Variants in THRB observed in about 807,000 individuals in gnomAD.
THRB encodes nuclear receptor subfamily 1 group A member 2.
THRB carries 12 observed loss-of-function variants against 47.8 expected under a neutral mutation model. That is an observed-to-expected ratio of 0.25 (90% CI 0.16 to 0.41). The LOEUF is 0.41. Ranked by LOEUF, THRB falls within the 10% of genes least tolerant of loss-of-function variation. THRB has a pLI of 1.00. For missense variants in THRB, 348 were observed against 589.2 expected (o/e 0.59, Z 4.24); for synonymous variants, 218 against 212.2 (o/e 1.03, Z -0.24).
intron 1 of THRB, among the ~76,000 whole-genome samples, chr3:24,402,494 T>C (rs1366800099): frequency 1.3e-5 from 1 of 79,952 alleles, no homozygotes; most frequent in African/African-American, 4.8e-5. Flanking sequence ...AACCCTTCTT[T>C]CTTCCTTTTT....
At chr3:24,387,305 A>G (rs960600760) in intron 1 of THRB, among the ~76,000 whole-genome samples, 1 of 152,144 alleles carries the variant, frequency 6.6e-6, no homozygotes, top group Non-Finnish European at 1.5e-5. Flanking sequence ...TGGACAGTAG[A>G]TTAAAGTCCT....
intron 1 of THRB, among the ~76,000 whole-genome samples, chr3:24,451,716 T>G (rs1407244882): frequency 6.6e-6 from 1 of 152,232 alleles, no homozygotes; most frequent in Non-Finnish European, 1.5e-5. Context: ...CAGTCCATGT[T>G]GCAAGCACAA....
chr3:24,486,923 T>C (rs1043400147), intron 1 of THRB, among the ~76,000 whole-genome samples: 1 of 152,180 alleles, frequency 6.6e-6, no homozygotes, highest in African/African-American at 2.4e-5. Flanking sequence ...ATAGCAGAAA[T>C]TGCAGTGAAG....
rs2031663804 is a variant in THRB at position 24,121,429 on chromosome 3, G to C, written c.*1455C>G. On this transcript the variant is annotated 3_prime_UTR_variant, in exon 11 of 11. Coordinates refer to ENST00000646209, the MANE Select transcript of THRB (RefSeq NM_001354712.2). ...GATAAGGCAGTAAAAGGTAGGCAAA[G>C]GAATAGTTTATATCTACTATGCCAG... 6.6e-6 allele frequency: 1 copy of C among 152,636 alleles called. No homozygotes were observed. Among genetic ancestry groups the C allele is most frequent in the African/African-American group, 2.4e-5 (1 of 41,442 alleles). The allele number at this position is 152,636 out of a possible 1,614,324, so 9.5% of individuals were successfully genotyped here.
intron 10 of THRB, among the ~76,000 whole-genome samples, chr3:24,125,564 A>G (rs1294450867): frequency 6.6e-6 from 1 of 152,226 alleles, no homozygotes; most frequent in East Asian, 1.9e-4. Flanking sequence ...GGGGTCACCC[A>G]AAGTCACACA....
chr3:24,344,628 G>A, intron 1 of THRB, among the ~76,000 whole-genome samples: 1 of 151,904 alleles, frequency 6.6e-6, no homozygotes, highest in East Asian at 1.9e-4. Flanking sequence ...ATTTGACCAT[G>A]ATCCACAATA....
intron 1 of THRB, among the ~76,000 whole-genome samples, chr3:24,339,218 G>T (rs1043539628): frequency 1.3e-5 from 2 of 152,024 alleles, no homozygotes; most frequent in African/African-American, 4.8e-5. Context: ...CAATATATCT[G>T]AACTTGACTC....
chr3:24,482,089 A>T (rs892948294), intron 1 of THRB, among the ~76,000 whole-genome samples: 1 of 152,220 alleles, frequency 6.6e-6, no homozygotes, highest in Non-Finnish European at 1.5e-5. Flanking sequence ...TGATCGAGTA[A>T]ATTTGGAGTC....
At chr3:24,303,792 C>T (rs1400190541) in intron 2 of THRB, among the ~76,000 whole-genome samples, 2 of 152,186 alleles carry the variant, frequency 1.3e-5, no homozygotes, top group African/African-American at 4.8e-5. Context: ...GATACACCGA[C>T]TAAGTTTTTT....
chr3:24,195,064 G>A (rs1176089086), intron 4 of THRB, among the ~76,000 whole-genome samples: 2 of 152,178 alleles, frequency 1.3e-5, no homozygotes, highest in Non-Finnish European at 2.9e-5. Flanking sequence ...TGTAGCATCA[G>A]ACTATTAGGT....
intron 2 of THRB, among the ~76,000 whole-genome samples, chr3:24,298,478 G>A (rs1297278458): frequency 6.6e-6 from 1 of 152,178 alleles, no homozygotes; most frequent in Non-Finnish European, 1.5e-5. Context: ...GTATTTTGAG[G>A]ACAAATGGCC....
At chr3:24,382,190 G>A (rs1306715700) in intron 1 of THRB, among the ~76,000 whole-genome samples, 1 of 151,934 alleles carries the variant, frequency 6.6e-6, no homozygotes, top group African/African-American at 2.4e-5. Flanking sequence ...TGGACCTTCA[G>A]ATACAAAATT....
chr3:24,165,329 T>C (rs2149288367), intron 5 of THRB: 2 of 764,704 alleles, frequency 2.6e-6, no homozygotes, highest in East Asian at 2.4e-5. Context: ...GTGCACTTCA[T>C]ATATTTCTTG....
intron 4 of THRB, among the ~76,000 whole-genome samples, chr3:24,210,604 G>C (rs921819998): frequency 4.6e-5 from 7 of 152,170 alleles, no homozygotes; most frequent in African/African-American, 1.7e-4. Context: ...TGCTGAGACT[G>C]AGAAACTGTG....
intron 3 of THRB, among the ~76,000 whole-genome samples, chr3:24,258,001 G>A (rs2051483419): frequency 6.6e-6 from 1 of 152,132 alleles, no homozygotes; most frequent in South Asian, 2.1e-4. Flanking sequence ...GGAGAATCAG[G>A]GTCTGTAGTT....
At chr3:24,152,562 T>C (rs1438065126) in intron 5 of THRB, 72 bp from the exon 6 acceptor site, 2 of 860,098 alleles carry the variant, frequency 2.3e-6, no homozygotes, top group African/African-American at 3.3e-5. Flanking sequence ...TAGCTAAGGT[T>C]GCTAGGCCAG....
rs368713659 is a variant in THRB at position 24,383,800 on chromosome 3, G to A, written c.-260-46429C>T. 3.0e-4 allele frequency among the ~76,000 whole-genome samples: 45 copies of A among 152,170 alleles called. 1 individual carries two copies. The highest frequency in any genetic ancestry group is 2.3e-3 in the South Asian group (11 of 4,818). On this transcript the variant is annotated intron_variant, in intron 1 of 10. Transcript: ENST00000646209. ...AAATTTCCCTAGGAAATTCAGTCAC[G>A]TTGTCAAAGTCTTTTCACAGAAAGG... is the stretch of plus-strand genomic sequence containing the variant.
At chr3:24,294,098 C>T (rs2056225509) in intron 3 of THRB, among the ~76,000 whole-genome samples, 1 of 152,192 alleles carries the variant, frequency 6.6e-6, no homozygotes, top group African/African-American at 2.4e-5. Flanking sequence ...TGGCTTGAGA[C>T]TATGTTTTAA....
At chr3:24,205,042 G>C (rs1231801814) in intron 4 of THRB, among the ~76,000 whole-genome samples, 4 of 152,166 alleles carry the variant, frequency 2.6e-5, no homozygotes, top group Non-Finnish European at 4.4e-5. Context: ...GTACCTGAAA[G>C]TGATGGGGAG....
Sources: allele counts gnomAD v4.1 joint callset (sites outside exome capture counted in the v4.1 genomes callset), GRCh38; gene constraint gnomAD v4.1.1; transcripts MANE v1.5; gene names NCBI Gene and HGNC (gene_info 2026-07-23, HGNC 2026-07-21).